Variants in ALG9 observed in about 807,000 individuals in gnomAD.
The protein encoded by ALG9 is ALG9 alpha-1,2-mannosyltransferase.
ALG9 carries 55 observed loss-of-function variants against 81.8 expected under a neutral mutation model. The ratio of observed to expected loss-of-function variants is 0.67; its 90% CI spans 0.54 to 0.84. ALG9 has a LOEUF of 0.84. Among genes scored for constraint, ALG9 ranks in the 40% least tolerant of loss-of-function variants. ALG9 has a pLI of 0.00. For missense variants in ALG9, 629 were observed against 745.0 expected, an observed-to-expected ratio of 0.84 and a Z score of 1.81; for synonymous variants, 278 against 274.3, an observed-to-expected ratio of 1.01 and a Z score of -0.13.
rs912369782 is a variant in ALG9, at chr11:111,871,568, G to A, written c.-86C>T. 9 of 1,532,208 alleles carry A rather than the reference G, an allele frequency of 5.9e-6. No individual in the cohort carries two copies. The highest frequency in any genetic ancestry group is 3.3e-4 in the Middle Eastern group (2 of 5,972). 94.9% of individuals were successfully genotyped at this position (1,532,208 alleles called of 1,614,324 possible). A position where few individuals can be genotyped will look rare whatever the true frequency, so the allele number is the denominator to read the frequency against. On this transcript the variant is annotated 5_prime_UTR_variant, in exon 1 of 15. Transcript: ENST00000616540. ...CTTTGGCTGGCAAACGGTGTCCGCC[G>A]AGGGACAAAAGACCTTGACATGCGC... is the stretch of plus-strand genomic sequence containing the variant.
chr11:111,857,034 G>T (rs1958808812), intron 6 of ALG9, among the ~76,000 whole-genome samples: 2 of 152,188 alleles, frequency 1.3e-5, no homozygotes, highest in African/African-American at 4.8e-5. Context: ...TTGAACCCAG[G>T]AGGCGGAGGT....
chr11:111,870,997 G>C, intron 1 of ALG9: 9 of 1,032,630 alleles, frequency 8.7e-6, no homozygotes, highest in Non-Finnish European at 1.0e-5. Context: ...CCCAGTAAAG[G>C]GTCGGGACTT....
intron 8 of ALG9, chr11:111,849,927 T>C (rs1957500365): frequency 6.6e-6 from 1 of 152,200 alleles, no homozygotes; most frequent in African/African-American, 2.4e-5. Flanking sequence ...CAGGAGACTC[T>C]TGTAAAACAG....
At chr11:111,774,270 G>A in the ALG9 span, among the ~76,000 whole-genome samples, 1 of 151,964 alleles carries the variant, frequency 6.6e-6, no homozygotes, top group Non-Finnish European at 1.5e-5. Context: ...CAGCTACTTG[G>A]GAGGCTGAGG....
intron 13 of ALG9, among the ~76,000 whole-genome samples, chr11:111,828,075 A>G (rs1953689193): frequency 2.0e-5 from 3 of 151,998 alleles, no homozygotes; most frequent in Admixed American, 6.6e-5. Context: ...CTGTAACCCC[A>G]GCTAGCCACT....
At chr11:111,839,126 T>C (rs909453271) in intron 10 of ALG9, among the ~76,000 whole-genome samples, 4 of 152,196 alleles carry the variant, frequency 2.6e-5, no homozygotes, top group Non-Finnish European at 4.4e-5. Flanking sequence ...ACTGAATAAA[T>C]GAGCAACCTA....
the ALG9 span, among the ~76,000 whole-genome samples, chr11:111,772,164 G>C: frequency 6.6e-6 from 1 of 152,352 alleles, no homozygotes; most frequent in East Asian, 1.9e-4. Flanking sequence ...GGTGGCTCAT[G>C]CCTGTAATCC....
intron 13 of ALG9, among the ~76,000 whole-genome samples, chr11:111,835,067 A>G (rs1955004911): frequency 6.6e-6 from 1 of 150,480 alleles, no homozygotes; most frequent in African/African-American, 2.5e-5. Flanking sequence ...TCTGGGAGAC[A>G]AAAGACCAGA....
intron 14 of ALG9, among the ~76,000 whole-genome samples, chr11:111,807,479 A>C (rs1950093980): frequency 6.6e-6 from 1 of 152,120 alleles, no homozygotes; most frequent in Admixed American, 6.5e-5. Context: ...TGTAACCCCC[A>C]GCTCTAGTGG....
At chr11:111,845,872 A>G (rs1371347876) in intron 8 of ALG9, among the ~76,000 whole-genome samples, 2 of 152,190 alleles carry the variant, frequency 1.3e-5, no homozygotes, top group Non-Finnish European at 2.9e-5. Context: ...TGCTAGAAAC[A>G]TTTAGGGGAG....
chr11:111,861,775 T>C (rs1555148178), intron 4 of ALG9, among the ~76,000 whole-genome samples: 1 of 152,176 alleles, frequency 6.6e-6, no homozygotes, highest in African/African-American at 2.4e-5. Context: ...TCTTCCTTTT[T>C]TTTTCCCTTT....
intron 1 of ALG9, chr11:111,870,655 T>C (rs1321571687): frequency 5.8e-6 from 5 of 869,070 alleles, no homozygotes; most frequent in Non-Finnish European, 7.4e-6. Flanking sequence ...TTCTGAAGAA[T>C]TGACTTTAAT....
chr11:111,803,516 A>G (rs1310052433), intron 14 of ALG9, among the ~76,000 whole-genome samples: 9 of 151,912 alleles, frequency 5.9e-5, no homozygotes, highest in African/African-American at 2.2e-4. Flanking sequence ...AAAAAAAAAA[A>G]AAAGAACAAA....
At chr11:111,799,876 T>G (rs1444334183) in intron 14 of ALG9, among the ~76,000 whole-genome samples, 2 of 152,136 alleles carry the variant, frequency 1.3e-5, no homozygotes, top group African/African-American at 2.4e-5. Flanking sequence ...CCAACAGGCA[T>G]TTTATATCTT....
At chr11:111,838,508 A>C in intron 10 of ALG9, 109 bp from the exon 11 acceptor site, 2 of 967,724 alleles carry the variant, frequency 2.1e-6, no homozygotes, top group Non-Finnish European at 3.1e-6. Context: ...AGCATTTGCC[A>C]ACAGTGAGGT....
chr11:111,866,092 C>T (rs962067939), intron 3 of ALG9, among the ~76,000 whole-genome samples: 5 of 151,738 alleles, frequency 3.3e-5, no homozygotes, highest in African/African-American at 4.8e-5. Context: ...GTCAGGAGTT[C>T]GAGACCAGCC....
Position 111,809,710 on chromosome 11 carries a change from G to C in ALG9, c.1666C>G (p.Pro556Ala). The change falls in exon 14 of 15, where the codon CCA becomes GCA. Residue 556 changes from proline (P) to alanine (A), a missense_variant. Pro to Ala is a conservative substitution (Grantham distance 27). Coordinates refer to ENST00000616540, the MANE Select transcript of ALG9 (RefSeq NM_024740.2). ...TCTTCTTTATTGGATGAATATTTTG[G>C]CTCCCGGGGTGTTTCTCTCATGGTG... Reference protein sequence around the residue: ...LDTMRETPREPKYSSNKEEWI... With the variant: ...LDTMRETPREAKYSSNKEEWI... 1 of 1,614,002 alleles carries C rather than the reference G, an allele frequency of 6.2e-7. No homozygotes were observed. The highest frequency in any genetic ancestry group is 8.5e-7 in the Non-Finnish European group (1 of 1,179,966).
At chr11:111,836,863 TG>T (rs2136819192) in intron 12 of ALG9, 1 of 166,926 alleles carries the variant, frequency 6.0e-6, no homozygotes, top group African/African-American at 2.4e-5. Flanking sequence ...GCCAAGCTAC[TG>T]AAGCCATTTC....
In ALG9 at chr11:111,836,264, G is replaced by C; in HGVS notation, c.1503C>G (p.Phe501Leu). 1 of 1,614,112 alleles carries C rather than the reference G, an allele frequency of 6.2e-7. No individual in the cohort carries two copies. Among genetic ancestry groups the C allele is most frequent in the South Asian group, 1.1e-5 (1 of 91,070 alleles). Residue 501 changes from phenylalanine to leucine, a missense_variant, in exon 13 of 15, where the codon TTC becomes TTG. Around this residue, in one of 3 missense-constraint regions of ALG9, gnomAD observed 264 missense variants for 302.2 expected, o/e 0.87. Coordinates refer to ENST00000616540, the MANE Select transcript of ALG9 (RefSeq NM_024740.2). ...NWQLQFIPSE[F>L]RGQLPKPFAE... ...CAAAAGGTTTTGGTAACTGACCTCT[G>C]AACTCTGATGGAATGAACTGAAGCT...
Sources: gnomAD v4.1 joint callset for allele counts (sites outside exome capture counted in the v4.1 genomes callset) on GRCh38, gnomAD v4.1.1 for gene constraint, gnomAD v4.1.1 regional missense constraint, MANE v1.5 for transcripts, NCBI Gene and HGNC (gene_info 2026-07-23, HGNC 2026-07-21) for gene names.